Variants in ATRNL1 observed in about 807,000 individuals in gnomAD.
The protein encoded by ATRNL1 is attractin like 1, also known as attractin-like protein 1.
A neutral mutation model predicts 182.7 loss-of-function variants in ATRNL1; 95 were observed. The ratio of observed to expected loss-of-function variants is 0.52; its 90% CI spans 0.44 to 0.62. The LOEUF is 0.62. ATRNL1 is among the 20% of genes least tolerant of loss of function. The pLI is 0.00. For synonymous variants in ATRNL1, 576 were observed against 568.3 expected (o/e 1.01, Z -0.19); for missense variants, 1,471 against 1,679.5 (o/e 0.88, Z 2.17).
intron 26 of ATRNL1, among the ~76,000 whole-genome samples, chr10:115,622,126 C>T (rs953286927): frequency 1.3e-5 from 2 of 152,056 alleles, no homozygotes; most frequent in African/African-American, 4.8e-5. Flanking sequence ...AAATAAAAGA[C>T]GAAGAGAGAG....
intron 26 of ATRNL1, among the ~76,000 whole-genome samples, chr10:115,617,393 C>T (rs1373309735): frequency 1.3e-5 from 2 of 151,452 alleles, no homozygotes; most frequent in Non-Finnish European, 2.9e-5. Context: ...CGGAGTCTTG[C>T]TCTGTCGCCA....
intron 21 of ATRNL1, among the ~76,000 whole-genome samples, chr10:115,442,382 T>C (rs1448576161): frequency 6.6e-6 from 1 of 151,686 alleles, no homozygotes; most frequent in Non-Finnish European, 1.5e-5. Context: ...ATTGTTTACA[T>C]GATTTGCTTC....
At chr10:115,363,450 T>G (rs1554944917) in intron 19 of ATRNL1, among the ~76,000 whole-genome samples, 2 of 146,714 alleles carry the variant, frequency 1.4e-5, no homozygotes, top group African/African-American at 5.0e-5. Context: ...TGCAAAAATT[T>G]TCTCCCATTT....
At chr10:115,469,435 A>G in intron 24 of ATRNL1, 106 bp downstream of exon 24, 2 of 671,296 alleles carry the variant, frequency 3.0e-6, no homozygotes, top group Non-Finnish European at 4.8e-6. Flanking sequence ...CTTGACTAAT[A>G]CAAAAACATG....
At chr10:115,253,125 A>G (rs1305966623) in intron 10 of ATRNL1, among the ~76,000 whole-genome samples, 2 of 152,316 alleles carry the variant, frequency 1.3e-5, no homozygotes, top group Admixed American at 6.5e-5. Flanking sequence ...TTTAGTATTC[A>G]TGATGTTAAT....
At chr10:115,728,695 T>G (rs1947693244) in intron 27 of ATRNL1, among the ~76,000 whole-genome samples, 1 of 152,104 alleles carries the variant, frequency 6.6e-6, no homozygotes, top group African/African-American at 2.4e-5. Context: ...TTAGAGGAAA[T>G]GAAATATTGG....
At chr10:115,638,063 A>G (rs953633429) in intron 26 of ATRNL1, among the ~76,000 whole-genome samples, 10 of 152,178 alleles carry the variant, frequency 6.6e-5, no homozygotes, top group African/African-American at 1.7e-4. Context: ...CTAGGCTTCC[A>G]CATTCACTCA....
intron 27 of ATRNL1, among the ~76,000 whole-genome samples, chr10:115,825,411 T>C (rs1950407631): frequency 6.6e-6 from 1 of 152,074 alleles, no homozygotes; most frequent in African/African-American, 2.4e-5. Context: ...TGCACATGCA[T>C]CCCAGAACTT....
At chr10:115,553,864 A>T (rs1002409919) in intron 26 of ATRNL1, among the ~76,000 whole-genome samples, 1 of 151,548 alleles carries the variant, frequency 6.6e-6, no homozygotes, top group African/African-American at 2.4e-5. Context: ...GCAGTGATAA[A>T]TAGATTCTCA....
intron 24 of ATRNL1, among the ~76,000 whole-genome samples, chr10:115,506,594 T>C (rs1475596219): frequency 6.6e-6 from 1 of 152,122 alleles, no homozygotes; most frequent in African/African-American, 2.4e-5. Flanking sequence ...AAAGGAGTTA[T>C]CTGCCTTTCA....
intron 28 of ATRNL1, among the ~76,000 whole-genome samples, chr10:115,898,249 G>T (rs1281246494): frequency 6.6e-6 from 1 of 152,084 alleles, no homozygotes; most frequent in Non-Finnish European, 1.5e-5. Flanking sequence ...TGATAGGTAG[G>T]TATGTATGTA....
chr10:115,773,644 T>G (rs1399610573), intron 27 of ATRNL1, among the ~76,000 whole-genome samples: 3 of 152,282 alleles, frequency 2.0e-5, no homozygotes, highest in Middle Eastern at 3.4e-3. Context: ...CTTAGAGCCC[T>G]TCTAAGACTG....
chr10:115,327,868 A>G (rs1554933874), intron 18 of ATRNL1, among the ~76,000 whole-genome samples: 1 of 151,204 alleles, frequency 6.6e-6, no homozygotes, highest in Non-Finnish European at 1.5e-5. Context: ...TCTCACTCAT[A>G]GGTGGGAATT....
intron 4 of ATRNL1, 130 bp from the exon 5 acceptor site, chr10:115,129,197 A>G: frequency 1.5e-6 from 1 of 650,444 alleles, no homozygotes; most frequent in South Asian, 2.1e-5. Context: ...AATTAAAACT[A>G]CATTGTGAAA....
At chr10:115,096,878 G>A (rs1592091505) in intron 1 of ATRNL1, 1 of 983,274 alleles carries the variant, frequency 1.0e-6, no homozygotes, top group East Asian at 7.5e-5. Context: ...CCCAAAGCTA[G>A]ACTAAAGGAC....
chr10:115,819,830 C>T (rs992760700), intron 27 of ATRNL1: 1 of 151,840 alleles, frequency 6.6e-6, no homozygotes, highest in Non-Finnish European at 1.5e-5. Context: ...TGCCTTATCT[C>T]AAAGCAGGTC....
chr10:115,654,100 A>G (rs1208182542), intron 26 of ATRNL1, among the ~76,000 whole-genome samples: 1 of 152,162 alleles, frequency 6.6e-6, no homozygotes, highest in East Asian at 1.9e-4. Flanking sequence ...ATTGAAATCT[A>G]TGCAGTCTGA....
chr10:115,587,588 G>A (rs71472869), intron 26 of ATRNL1, among the ~76,000 whole-genome samples: 51,872 of 124,854 alleles, frequency 0.42, 10,994 homozygotes, highest in Non-Finnish European at 0.58. Flanking sequence ...TGCGCTTCCC[G>A]AGTGAGGCAA....
At chr10:115,544,912 C>T (rs11197288) in intron 25 of ATRNL1, among the ~76,000 whole-genome samples, 17,723 of 151,918 alleles carry the variant, frequency 0.12, 3,455 homozygotes, top group African/African-American at 0.4. Flanking sequence ...TATTGTTTGC[C>T]TGTTTGTTTT....
Sources: gnomAD v4.1 joint callset for allele counts (sites outside exome capture counted in the v4.1 genomes callset) on GRCh38, gnomAD v4.1.1 for gene constraint, MANE v1.5 for transcripts, NCBI Gene and HGNC (gene_info 2026-07-23, HGNC 2026-07-21) for gene names.